Variants in SLC22A24 observed in about 807,000 individuals in gnomAD.
SLC22A24 encodes the protein steroid transmembrane transporter SLC22A24.
SLC22A24 carries 53 observed loss-of-function variants against 49.8 expected under a neutral mutation model. The observed-to-expected ratio is 1.06, with a 90% confidence interval of 0.85 to 1.34. The LOEUF (loss-of-function observed/expected upper bound fraction) is 1.34. Ranked by LOEUF, SLC22A24 falls within the 40% of genes most tolerant of loss-of-function variation. The pLI, the probability that SLC22A24 is intolerant of heterozygous loss-of-function variation, is 0.00. For synonymous variants in SLC22A24, 302 were observed against 256.4 expected, an observed-to-expected ratio of 1.18 and a Z score of -1.70; for missense variants, 786 against 675.9, an observed-to-expected ratio of 1.16 and a Z score of -1.81.
In SLC22A24 at chr11:63,143,820, T is replaced by A; in HGVS notation, c.-41A>T. 1 of 1,318,172 alleles carries A rather than the reference T, an allele frequency of 7.6e-7. No individual in the cohort carries two copies. Among genetic ancestry groups the A allele is most frequent in the Non-Finnish European group, 9.7e-7 (1 of 1,029,490 alleles). 81.7% of individuals were successfully genotyped at this position (1,318,172 alleles called of 1,614,324 possible). ...GATCCCCAAGAGGAAGCACAATGAC[T>A]TTATGAAGAGAAGTTCAGAGGGAGA... On this transcript the variant is annotated 5_prime_UTR_variant, in exon 1 of 10. It adds an upstream start codon to the 5' untranslated region. Transcript: ENST00000612278.
chr11:63,112,869 G>A (rs1402816551), intron 4 of SLC22A24, among the ~76,000 whole-genome samples: 4 of 150,902 alleles, frequency 2.7e-5, no homozygotes, highest in Admixed American at 6.6e-5. Context: ...AAAAAAAATA[G>A]CAAGGCATGG....
intron 2 of SLC22A24, among the ~76,000 whole-genome samples, chr11:63,121,057 T>C (rs540303643): frequency 9.2e-5 from 14 of 152,292 alleles, no homozygotes; most frequent in East Asian, 3.9e-4. Flanking sequence ...GATACTCTGA[T>C]GGTAGATACA....
intron 4 of SLC22A24, among the ~76,000 whole-genome samples, chr11:63,108,408 C>T (rs1460942880): frequency 1.3e-5 from 2 of 151,976 alleles, no homozygotes; most frequent in Admixed American, 1.3e-4. Context: ...TTTGTTGTGT[C>T]TCTGCCTGGC....
At chr11:63,112,207 C>T (rs559995823) in intron 4 of SLC22A24, among the ~76,000 whole-genome samples, 1 of 152,112 alleles carries the variant, frequency 6.6e-6, no homozygotes, top group Non-Finnish European at 1.5e-5. Context: ...GCACTGTGGT[C>T]TGAGAGATAG....
rs770316575 is a variant in SLC22A24 at position 63,083,246 on chromosome 11, G to A, written c.1282C>T (p.Gln428Ter). ...CTGAAACTCCTGTCTCTCTCACCTT[G>A]GGGCAAAAAGGTGTTGACCAGAATG... Reference protein sequence around the residue: ...LFILVNTFLPQEMQILRVVLA... With the variant: ...LFILVNTFLP The change falls in exon 7 of 10, where the codon CAA becomes TAA. Residue 428 changes from glutamine to a stop codon, truncating the protein, a stop_gained. Coordinates refer to ENST00000612278, the MANE Select transcript of SLC22A24 (RefSeq NM_001136506.2). LOFTEE classifies it high-confidence loss of function. 1.9e-6 allele frequency: 3 copies of A among 1,553,068 alleles called. No individual in the cohort carries two copies. The African/African-American group carries it at 4.1e-5, about 21-fold the overall frequency.
At position 63,104,273 on chromosome 11, in the gene SLC22A24, G is replaced by C. The variant is rs2087107586; in HGVS notation, c.856C>G (p.Leu286Val). 6.5e-7 allele frequency: 1 copy of C among 1,549,762 alleles called. No homozygotes were observed. Among genetic ancestry groups the C allele is most frequent in the Admixed American group, 2.0e-5 (1 of 50,882 alleles). ...SWKMVESARW[L>V]IINNQLDEGL... is the part of the protein sequence containing the mutation. ...TCATCTAGCTGATTGTTGATAATCA[G>C]CCACCGAGCAGACTCCACCATCTTC... The change falls in exon 5 of 10, where the codon CTG (leucine) becomes GTG (valine). Residue 286 changes from leucine to valine, a missense_variant. Leu to Val is a conservative substitution (Grantham distance 32). Coordinates refer to ENST00000612278, the MANE Select transcript of SLC22A24 (RefSeq NM_001136506.2).
At chr11:63,137,101 G>T (rs1001512620) in intron 1 of SLC22A24, among the ~76,000 whole-genome samples, 1 of 152,034 alleles carries the variant, frequency 6.6e-6, no homozygotes, top group Non-Finnish European at 1.5e-5. Context: ...CCACCACAGG[G>T]TGTCTGTGTC....
At chr11:63,108,576 G>T (rs2087138506) in intron 4 of SLC22A24, among the ~76,000 whole-genome samples, 1 of 152,032 alleles carries the variant, frequency 6.6e-6, no homozygotes, top group Non-Finnish European at 1.5e-5. Context: ...ATTTTTAGTT[G>T]GTAGGCTATT....
intron 7 of SLC22A24, among the ~76,000 whole-genome samples, chr11:63,082,046 A>G (rs1381345917): frequency 6.6e-6 from 1 of 152,110 alleles, no homozygotes; most frequent in Non-Finnish European, 1.5e-5. Flanking sequence ...AATTTTTTCT[A>G]TGTAATATTT....
intron 2 of SLC22A24, among the ~76,000 whole-genome samples, chr11:63,130,420 T>C (rs2087325472): frequency 6.6e-6 from 1 of 152,318 alleles, no homozygotes; most frequent in Non-Finnish European, 1.5e-5. Flanking sequence ...TCATCAGGGA[T>C]GTTGGTCAAA....
chr11:63,092,814 A>G (rs762402388), intron 6 of SLC22A24, among the ~76,000 whole-genome samples: 2 of 152,054 alleles, frequency 1.3e-5, no homozygotes, highest in Non-Finnish European at 2.9e-5. Flanking sequence ...CACAAAAAGC[A>G]ATTGAAACAA....
intron 4 of SLC22A24, among the ~76,000 whole-genome samples, chr11:63,106,956 G>A (rs180953293): frequency 2.9e-4 from 44 of 152,204 alleles, no homozygotes; most frequent in Admixed American, 1.0e-3. Flanking sequence ...TGTGAATTAT[G>A]GCTTTTTGTT....
intron 9 of SLC22A24, 68 bp downstream of exon 9, chr11:63,080,852 C>T (rs2086955278): frequency 2.2e-6 from 3 of 1,387,460 alleles, no homozygotes; most frequent in Non-Finnish European, 9.9e-7. Context: ...GGTCGTTGAC[C>T]TTTCTCATTA....
chr11:63,118,578 C>T lies in SLC22A24; in HGVS notation c.830+334G>A, dbSNP rs2134665881. The T allele has an allele frequency of 7.7e-6, 4 of 521,156 alleles. No individual in the cohort carries two copies. The East Asian group carries it at 1.2e-4, about 16-fold the overall frequency. 32.3% of individuals were successfully genotyped at this position (521,156 alleles called of 1,614,324 possible). ...TTTTCCTTATATTCAATCTCAGTTACAATGACAAAAGCCCCCAAATTATCT... is the reference window on the plus strand; with the variant it reads ...TTTTCCTTATATTCAATCTCAGTTATAATGACAAAAGCCCCCAAATTATCT... On this transcript the variant is annotated intron_variant, in intron 4 of 9. Coordinates refer to ENST00000612278, the MANE Select transcript of SLC22A24 (RefSeq NM_001136506.2).
intron 2 of SLC22A24, among the ~76,000 whole-genome samples, chr11:63,132,802 G>A (rs928748415): frequency 2.0e-5 from 3 of 152,122 alleles, no homozygotes; most frequent in African/African-American, 4.8e-5. Flanking sequence ...CTCAGAGCTC[G>A]AATGCCATGC....
intron 6 of SLC22A24, among the ~76,000 whole-genome samples, chr11:63,092,870 G>A (rs769064777): frequency 7.0e-4 from 106 of 152,162 alleles, no homozygotes; most frequent in Non-Finnish European, 1.3e-3. Context: ...AAGAGCTTCT[G>A]CACAGCAAAA....
chr11:63,126,878 T>C (rs1042371449), intron 2 of SLC22A24, among the ~76,000 whole-genome samples: 1 of 152,196 alleles, frequency 6.6e-6, no homozygotes, highest in Non-Finnish European at 1.5e-5. Context: ...CCCTTGTAAG[T>C]TGTATTCCTA....
intron 5 of SLC22A24, among the ~76,000 whole-genome samples, chr11:63,100,746 C>G (rs2087085323): frequency 6.6e-6 from 1 of 152,022 alleles, no homozygotes; most frequent in African/African-American, 2.4e-5. Context: ...AGAAATAAAT[C>G]CCTACATCTA....
chr11:63,124,024 T>C (rs2087270924), intron 2 of SLC22A24, among the ~76,000 whole-genome samples: 1 of 152,056 alleles, frequency 6.6e-6, no homozygotes. Flanking sequence ...GGAAGAGATC[T>C]TTGAGGGGGT....
Sources: gnomAD v4.1 joint callset for allele counts (sites outside exome capture counted in the v4.1 genomes callset) on GRCh38, gnomAD v4.1.1 for gene constraint, MANE v1.5 for transcripts, NCBI Gene and HGNC (gene_info 2026-07-23, HGNC 2026-07-21) for gene names.